The following TCOF1 variants were observed in gnomAD, a reference collection of about 807,000 sequenced individuals.
TCOF1 encodes treacle protein.
Under a neutral mutation model 149.0 loss-of-function variants are expected in TCOF1, and 33 were observed. The observed-to-expected ratio is 0.22, with a 90% CI of 0.17 to 0.30. The LOEUF (loss-of-function observed/expected upper bound fraction) is 0.30. Ranked by LOEUF, TCOF1 falls within the 10% of genes least tolerant of loss-of-function variation. The pLI, the probability that TCOF1 is intolerant of heterozygous loss-of-function variation, is 1.00. For missense variants in TCOF1, 1,728 were observed against 1,840.7 expected (o/e 0.94, Z 1.12); for synonymous variants, 789 against 738.8 (o/e 1.07, Z -1.10).
At chr5:150,396,205 C>T (rs552804529) in intron 23 of TCOF1, 77 bp from the exon 24 acceptor site, 2 of 1,531,454 alleles carry the variant, frequency 1.3e-6, no homozygotes, top group East Asian at 2.2e-5. Flanking sequence ...ACTCCCTGCA[C>T]CCTCTTCGCT....
intron 22 of TCOF1, 55 bp downstream of exon 22, chr5:150,392,845 C>T: frequency 3.8e-6 from 6 of 1,585,876 alleles, no homozygotes; most frequent in Non-Finnish European, 5.2e-6. Context: ...GAGCCCCAGG[C>T]CAGGCTCCTG....
rs146509895 is a variant in TCOF1 at position 150,396,442 on chromosome 5, A to C, written c.3945A>C (p.Ser1315=). The part of the protein sequence containing the change: ...WPLNEAQVQA[S]VVKVLTELLE... Reference sequence around the variant, plus strand: ...TGAATGAGGCCCAGGTGCAGGCCTCAGTGGTGAAGGTCCTGACTGAGCTGC... The same window carrying C: ...TGAATGAGGCCCAGGTGCAGGCCTCCGTGGTGAAGGTCCTGACTGAGCTGC... The change falls in exon 24 of 27, where the codon TCA becomes TCC. Residue 1315 remains serine, a synonymous_variant. Coordinates refer to ENST00000643257, the MANE Select transcript of TCOF1 (RefSeq NM_001371623.1). 439 of 1,614,060 alleles carry C rather than the reference A, an allele frequency of 2.7e-4. No homozygotes were observed. Among genetic ancestry groups the C allele is most frequent in the Non-Finnish European group, 3.4e-4 (407 of 1,180,018 alleles).
chr5:150,396,268 TTCTC>T lies in TCOF1; in HGVS notation c.3785-9_3785-6del, dbSNP rs886060263. The T allele has an allele frequency of 7.4e-6, 12 of 1,613,880 alleles. No individual in the cohort carries two copies. Among genetic ancestry groups the T allele is most frequent in the South Asian group, 1.1e-5 (1 of 91,082 alleles). ...ACTCTCCCAGATCTGTGACCCCACA[TTCTC>T]TCTCCATAGGTGGAAAAGAGGCTGC... On this transcript the variant is annotated splice_polypyrimidine_tract_variant and intron_variant, in intron 23 of 26. Transcript: ENST00000643257.
At chr5:150,393,085 G>T in intron 22 of TCOF1, 2 of 588,548 alleles carry the variant, frequency 3.4e-6, no homozygotes, top group Non-Finnish European at 6.0e-6. Context: ...TTATTTTAAG[G>T]TTACTATCTG....
chr5:150,394,991 GC>G (rs1337974170), intron 23 of TCOF1: 1 of 150,218 alleles, frequency 6.7e-6, no homozygotes, highest in African/African-American at 2.5e-5. Context: ...GGGGCTAACT[GC>G]CCTCCCCAGC....
Position 150,383,101 on chromosome 5 carries a change from G to A in TCOF1, c.2859+3369G>A, listed in dbSNP as rs761377164. On this transcript the variant is annotated intron_variant, in intron 17 of 26. Transcript: ENST00000643257. ...CAAACCTGCCAGAAGCAAGACCCTG[G>A]CCCCAGCACCCCCAGAGAGGAACAC... is the stretch of plus-strand genomic sequence containing the variant. 1.6e-5 allele frequency: 25 copies of A among 1,536,082 alleles called. No individual in the cohort carries two copies. In the East Asian group the frequency reaches 6.1e-4, roughly 38 times the overall value.
Position 150,378,576 on chromosome 5 carries a change from T to C in TCOF1, c.2341-329T>C, listed in dbSNP as rs950410592. On this transcript the variant is annotated intron_variant, in intron 14 of 26. Transcript: ENST00000643257. ...TAGCTGAAAGGGAGCCTGGAAAACA[T>C]CTGTTTTAGGTAGTCTTGTGCTTAG... 7 of 318,682 alleles carry C rather than the reference T, an allele frequency of 2.2e-5. No individual in the cohort carries two copies. In the East Asian group the frequency reaches 2.4e-4, roughly 11 times the overall value. The allele number at this position is 318,682 out of a possible 1,614,324, so 19.7% of individuals were successfully genotyped here.
chr5:150,374,659 G>C lies in TCOF1; in HGVS notation c.1126G>C (p.Ala376Pro). The C allele has an allele frequency of 6.2e-7, 1 of 1,613,870 alleles. No individual in the cohort carries two copies. Among genetic ancestry groups the C allele is most frequent in the Admixed American group, 1.7e-5 (1 of 60,004 alleles). The change falls in exon 9 of 27, where the codon GCC (alanine) becomes CCC (proline). Residue 376 changes from alanine (A) to proline (P), a missense_variant. Transcript: ENST00000643257. ...GKTSQVGAAS[A>P]PAKESPRKGA... is the part of the protein sequence containing the mutation. The stretch of plus-strand genomic sequence containing the variant: ...AACCTCTCAGGTCGGAGCTGCCTCA[G>C]CCCCTGCCAAGGAGTCCCCCAGGAA...
chr5:150,375,294 C>T, intron 10 of TCOF1, 45 bp from the exon 11 acceptor site: 1 of 1,605,418 alleles, frequency 6.2e-7, no homozygotes, highest in Non-Finnish European at 8.5e-7. Flanking sequence ...CACTCACATT[C>T]TCCTTCTGGA....
At chr5:150,388,546 T>A (rs989841856) in intron 18 of TCOF1, among the ~76,000 whole-genome samples, 8 of 152,214 alleles carry the variant, frequency 5.3e-5, no homozygotes, top group Non-Finnish European at 1.0e-4. Context: ...CTTCTGAGAA[T>A]CTGTGATTCT....
chr5:150,359,074 C>CGGTA (rs1277021513), intron 1 of TCOF1, among the ~76,000 whole-genome samples: 1 of 151,898 alleles, frequency 6.6e-6, no homozygotes, highest in Admixed American at 6.6e-5. Flanking sequence ...AGGCCAGGTA[C>CGGTA]GGTAGCTCAC....
chr5:150,396,216 C>A, intron 23 of TCOF1, 66 bp from the exon 24 acceptor site: 1 of 1,581,910 alleles, frequency 6.3e-7, no homozygotes, highest in African/African-American at 1.3e-5. Context: ...CCTCTTCGCT[C>A]TTAGGTACCA....
chr5:150,370,089 C>T (rs1414977081), intron 6 of TCOF1, among the ~76,000 whole-genome samples: 1 of 152,172 alleles, frequency 6.6e-6, no homozygotes, highest in Non-Finnish European at 1.5e-5. Flanking sequence ...GGTTTGTGAA[C>T]TTTGACCTGG....
chr5:150,374,551 C>T (rs1763274181), intron 8 of TCOF1, 66 bp from the exon 9 acceptor site: 14 of 1,606,042 alleles, frequency 8.7e-6, no homozygotes, highest in South Asian at 6.6e-5. Context: ...GTCTTCTGTA[C>T]GTGGTGTCCT....
Position 150,378,947 on chromosome 5 carries a change from G to T in TCOF1, c.2383G>T (p.Ala795Ser), listed in dbSNP as rs965575856. ...GAAAACCCAGGCCAAAGCCAACCCAGCTGCCGCCAGAGCACCTTCAGCAAA... is the reference window on the plus strand; with the variant it reads ...GAAAACCCAGGCCAAAGCCAACCCATCTGCCGCCAGAGCACCTTCAGCAAA... Reference protein sequence around the residue: ...VKKTQAKANPAAARAPSAKGT... With the variant: ...VKKTQAKANPSAARAPSAKGT... Residue 795 changes from alanine to serine, a missense_variant, in exon 15 of 27, where the codon GCT becomes TCT. This residue lies in a region of TCOF1 where 1,696 missense variants were observed against 1,765.4 expected (regional missense o/e 0.96). Coordinates refer to ENST00000643257, the MANE Select transcript of TCOF1 (RefSeq NM_001371623.1). 1 of 1,614,106 alleles carries T rather than the reference G, an allele frequency of 6.2e-7. No homozygotes were observed. The highest frequency in any genetic ancestry group is 1.7e-5 in the Admixed American group (1 of 60,022).
chr5:150,372,133 C>T lies in TCOF1; in HGVS notation c.767C>T (p.Ala256Val). 6.2e-7 allele frequency: 1 copy of T among 1,614,200 alleles called. No individual in the cohort carries two copies. The highest frequency in any genetic ancestry group is 8.5e-7 in the Non-Finnish European group (1 of 1,180,028). ...GDVTPQVKGG[A>V]LPPAKRAKKP... ...GTGACACCCCAGGTCAAAGGAGGGG[C>T]CCTGCCCCCAGCCAAGAGGGCCAAG... is the stretch of plus-strand genomic sequence containing the variant. Residue 256 changes from alanine (A) to valine (V), a missense_variant, in exon 7 of 27, where the codon GCC (alanine) becomes GTC (valine). This residue lies in a region of TCOF1 where 1,696 missense variants were observed against 1,765.4 expected (regional missense o/e 0.96). Coordinates refer to ENST00000643257, the MANE Select transcript of TCOF1 (RefSeq NM_001371623.1).
chr5:150,373,346 T>A (rs1762966230), intron 7 of TCOF1, among the ~76,000 whole-genome samples: 1 of 152,200 alleles, frequency 6.6e-6, no homozygotes, highest in Admixed American at 6.5e-5. Context: ...TGGCCATAAA[T>A]GTGAACTTTT....
intron 3 of TCOF1, among the ~76,000 whole-genome samples, chr5:150,364,663 A>G (rs6867136): frequency 0.6 from 90,755 of 151,960 alleles, 27,483 homozygotes; most frequent in African/African-American, 0.67. Context: ...CTTCATGTTC[A>G]TTTAGAATTG....
chr5:150,369,634 C>G (rs77741284), intron 6 of TCOF1, 32 bp downstream of exon 6: 2 of 1,611,572 alleles, frequency 1.2e-6, no homozygotes, highest in Non-Finnish European at 1.7e-6. Context: ...GAGTTGCCCT[C>G]TCCCAGCCTC....
Sources: gnomAD v4.1 joint callset for allele counts (sites outside exome capture counted in the v4.1 genomes callset) on GRCh38, gnomAD v4.1.1 for gene constraint, gnomAD v4.1.1 regional missense constraint, MANE v1.5 for transcripts, NCBI Gene and HGNC (gene_info 2026-07-23, HGNC 2026-07-21) for gene names.